Variants in TEX14 observed in about 807,000 individuals in gnomAD.
TEX14 encodes inactive serine/threonine-protein kinase TEX14.
In TEX14, 168 loss-of-function variants were observed where a neutral mutation model predicts 178.6. The observed-to-expected ratio is 0.94, with a 90% CI of 0.83 to 1.07. The LOEUF is 1.07. Ranked by LOEUF, TEX14 falls within the 50% of genes least tolerant of loss-of-function variation. The pLI, the probability that TEX14 is intolerant of heterozygous loss-of-function variation, is 0.00. For synonymous variants in TEX14, 626 were observed against 634.1 expected (o/e 0.99, Z 0.19); for missense variants, 1,730 against 1,753.6 (o/e 0.99, Z 0.24).
At position 58,557,786 on chromosome 17, in the gene TEX14, G is replaced by A; in HGVS notation, c.4319+13C>T. Reference sequence around the variant, plus strand: ...CATGACTTTTGATCTACAAACATCTGATATTTCATTACCTGGATGATTCGG... The same window carrying A: ...CATGACTTTTGATCTACAAACATCTAATATTTCATTACCTGGATGATTCGG... On this transcript the variant is annotated intron_variant, in intron 31 of 31. Coordinates refer to ENST00000349033, the MANE Select transcript of TEX14 (RefSeq NM_031272.5). 1 of 1,605,696 alleles carries A rather than the reference G, an allele frequency of 6.2e-7. No individual in the cohort carries two copies. The highest frequency in any genetic ancestry group is 8.5e-7 in the Non-Finnish European group (1 of 1,174,604).
chr17:58,654,896 A>G (rs2046918373), intron 1 of TEX14, among the ~76,000 whole-genome samples: 1 of 151,892 alleles, frequency 6.6e-6, no homozygotes, highest in African/African-American at 2.4e-5. Flanking sequence ...ACACCCTGAC[A>G]TTTCGGCACC....
chr17:58,606,448 G>C (rs1433927116), intron 10 of TEX14, among the ~76,000 whole-genome samples: 1 of 152,210 alleles, frequency 6.6e-6, no homozygotes. Context: ...TTTAGACGAT[G>C]AGATGGGCTT....
At chr17:58,678,641 G>T (rs551127835) in intron 1 of TEX14, among the ~76,000 whole-genome samples, 2 of 151,744 alleles carry the variant, frequency 1.3e-5, no homozygotes, top group Admixed American at 1.3e-4. Context: ...ACTTGAACAC[G>T]GGGTGGGGAA....
At position 58,569,197 on chromosome 17, in the gene TEX14, T is replaced by A; in HGVS notation, c.3881A>T (p.Asp1294Val). The change falls in exon 26 of 32, where the codon GAC (aspartate) becomes GTC (valine). Residue 1294 changes from aspartate (D) to valine (V), a missense_variant. Around this residue, in one of 2 missense-constraint regions of TEX14, gnomAD observed 941 missense variants for 1,072.4 expected, o/e 0.88. Transcript: ENST00000349033. The surrounding 1 kb of genome is among the most constrained non-coding windows in gnomAD (Gnocchi z 4.1). ...LPPPSQELLD[D>V]IELLKQQQGS... ...CTGTATTGAACATCTCTTACCAATGTCATCAAGTAGCTCCTGAGATGGTGG... is the reference window on the plus strand; with the variant it reads ...CTGTATTGAACATCTCTTACCAATGACATCAAGTAGCTCCTGAGATGGTGG... 1 of 1,613,564 alleles carries A rather than the reference T, an allele frequency of 6.2e-7. No individual in the cohort carries two copies. Among genetic ancestry groups the A allele is most frequent in the Non-Finnish European group, 8.5e-7 (1 of 1,179,436 alleles).
At chr17:58,618,237 A>G (rs2045920180) in intron 5 of TEX14, among the ~76,000 whole-genome samples, 1 of 152,258 alleles carries the variant, frequency 6.6e-6, no homozygotes, top group Admixed American at 6.5e-5. Flanking sequence ...GGGGTGATTC[A>G]TTATGCAGCA....
intron 1 of TEX14, among the ~76,000 whole-genome samples, chr17:58,663,536 G>T (rs1179270104): frequency 6.6e-6 from 1 of 150,694 alleles, no homozygotes; most frequent in East Asian, 1.9e-4. Flanking sequence ...ACATGATCTT[G>T]GCTCACGGCA....
At position 58,587,657 on chromosome 17, in the gene TEX14, C is replaced by T. The variant is rs2045009491; in HGVS notation, c.2712G>A (p.Val904=). The change falls in exon 17 of 32, where the codon GTG becomes GTA. Residue 904 remains valine (V), a synonymous_variant. Coordinates refer to ENST00000349033, the MANE Select transcript of TEX14 (RefSeq NM_031272.5). ...TATAGATTTCAGAAGAAACAGGTTC[C>T]ACACTCATCCTGAATTGCACGGGTT... ...SCHWDSTRMS[V]EPVSSEIYNA... 6.2e-7 allele frequency: 1 copy of T among 1,603,442 alleles called. No individual in the cohort carries two copies. Among genetic ancestry groups the T allele is most frequent in the African/African-American group, 1.3e-5 (1 of 74,254 alleles).
intron 1 of TEX14, among the ~76,000 whole-genome samples, chr17:58,687,585 A>T (rs2047623060): frequency 6.6e-6 from 1 of 151,954 alleles, no homozygotes; most frequent in African/African-American, 2.4e-5. Context: ...CACCCACCTA[A>T]GCCTCCCAAA....
At chr17:58,654,352 T>G (rs1393393143) in intron 1 of TEX14, among the ~76,000 whole-genome samples, 1 of 151,838 alleles carries the variant, frequency 6.6e-6, no homozygotes, top group Non-Finnish European at 1.5e-5. Context: ...TAAGAAACTT[T>G]CCAAGACTCT....
intron 20 of TEX14, among the ~76,000 whole-genome samples, chr17:58,577,885 G>C (rs997043178): frequency 6.6e-6 from 1 of 152,184 alleles, no homozygotes; most frequent in Admixed American, 6.5e-5. Context: ...TCAAACACTA[G>C]GTGTGGGCGT....
intron 2 of TEX14, among the ~76,000 whole-genome samples, chr17:58,641,354 G>A (rs1283400770): frequency 6.6e-6 from 1 of 151,860 alleles, no homozygotes; most frequent in Non-Finnish European, 1.5e-5. Context: ...AGGTTGCGAT[G>A]AGCCAAGATT....
chr17:58,562,492 C>G (rs66583824), intron 28 of TEX14, among the ~76,000 whole-genome samples: 1 of 151,750 alleles, frequency 6.6e-6, no homozygotes, highest in African/African-American at 2.4e-5. Flanking sequence ...CTTTTGATCA[C>G]GTAAAAAGAG....
intron 1 of TEX14, among the ~76,000 whole-genome samples, chr17:58,666,319 G>A (rs1266196138): frequency 3.3e-5 from 5 of 151,928 alleles, no homozygotes; most frequent in African/African-American, 1.2e-4. Context: ...CTGCACTCCA[G>A]CCTGGAAAAT....
chr17:58,556,756 A>AT lies in TEX14; in HGVS notation c.*254dup. 1 of 454,770 alleles carries AT rather than the reference A, an allele frequency of 2.2e-6. No homozygotes were observed. Among genetic ancestry groups the AT allele is most frequent in the African/African-American group, 1.9e-5 (1 of 51,332 alleles). 28.2% of individuals were successfully genotyped at this position (454,770 alleles called of 1,614,324 possible). On this transcript the variant is annotated 3_prime_UTR_variant, in exon 32 of 32. Transcript: ENST00000349033. ...AATTAACATCAACAAAACCAAAGCCATTCTAGGCACAACCAAAAATTTTTA... is the reference window on the plus strand; with the variant it reads ...AATTAACATCAACAAAACCAAAGCCATTTCTAGGCACAACCAAAAATTTTTA...
intron 17 of TEX14, 99 bp from the exon 18 acceptor site, chr17:58,586,181 T>C: frequency 7.5e-7 from 1 of 1,325,258 alleles, no homozygotes; most frequent in Non-Finnish European, 1.0e-6. Context: ...TAACTCATAG[T>C]GTAACAATTG....
At chr17:58,598,730 C>G in intron 14 of TEX14, 146 bp downstream of exon 14, 1 of 806,026 alleles carries the variant, frequency 1.2e-6, no homozygotes, top group Non-Finnish European at 2.0e-6. Flanking sequence ...GCTTAGGATG[C>G]CCCTTCCTCC....
intron 1 of TEX14, chr17:58,661,428 A>G (rs939026678): frequency 4.9e-6 from 4 of 816,460 alleles, no homozygotes; most frequent in Non-Finnish European, 8.9e-6. Context: ...AGCTGCGATA[A>G]CATTTTGGCA....
chr17:58,688,723 C>A (rs1219273212), intron 1 of TEX14, among the ~76,000 whole-genome samples: 2 of 152,088 alleles, frequency 1.3e-5, no homozygotes, highest in Non-Finnish European at 2.9e-5. Flanking sequence ...GACTCCGCAG[C>A]CCATGCTGGT....
chr17:58,604,420 G>A (rs1042142286), intron 11 of TEX14, among the ~76,000 whole-genome samples: 16 of 150,842 alleles, frequency 1.1e-4, no homozygotes, highest in African/African-American at 3.4e-4. Context: ...GCAGTAAACC[G>A]AGATCGAGCC....
Sources: allele counts gnomAD v4.1 joint callset (sites outside exome capture counted in the v4.1 genomes callset), GRCh38; gene constraint gnomAD v4.1.1; regional missense constraint gnomAD v4.1.1; non-coding constraint Gnocchi (gnomAD v3.1); transcripts MANE v1.5; gene names NCBI Gene and HGNC (gene_info 2026-07-23, HGNC 2026-07-21).